The following YES1 variants were observed in gnomAD, a reference collection of about 807,000 sequenced individuals.
YES1 encodes YES proto-oncogene 1, Src family tyrosine kinase.
In YES1, 39 loss-of-function variants were observed where a neutral mutation model predicts 70.4. The ratio of observed to expected loss-of-function variants is 0.55; its 90% CI spans 0.43 to 0.72. The LOEUF is 0.72. Among genes scored for constraint, YES1 ranks in the 30% least tolerant of loss-of-function variants. The probability of loss-of-function intolerance (pLI) is 0.00; values close to 1 mark genes in which losing one functional copy is unlikely to be tolerated. For synonymous variants in YES1, 198 were observed against 218.6 expected, an observed-to-expected ratio of 0.91 and a Z score of 0.83; for missense variants, 495 against 644.8, an observed-to-expected ratio of 0.77 and a Z score of 2.52.
intron 10 of YES1, among the ~76,000 whole-genome samples, chr18:735,161 C>CAAAAAAAAAAAAAAA (rs71174281): frequency 3.1e-4 from 34 of 110,664 alleles, no homozygotes; most frequent in African/African-American, 9.8e-4. Flanking sequence ...TGTCTCAAAG[C>CAAAAAAAAAAAAAAA]AAAAAAAAAA....
chr18:802,373 G>A (rs1906870442), intron 1 of YES1, among the ~76,000 whole-genome samples: 1 of 152,064 alleles, frequency 6.6e-6, no homozygotes, highest in Non-Finnish European at 1.5e-5. Flanking sequence ...TTCCAGACCA[G>A]CCTGACTAAA....
chr18:796,064 C>T (rs529640813), intron 1 of YES1, among the ~76,000 whole-genome samples: 94 of 152,184 alleles, frequency 6.2e-4, no homozygotes, highest in African/African-American at 2.1e-3. Context: ...TACAAAGATG[C>T]CCATCCTTCC....
At chr18:764,925 C>CG (rs1568204423) in intron 1 of YES1, among the ~76,000 whole-genome samples, 2 of 150,816 alleles carry the variant, frequency 1.3e-5, no homozygotes, top group South Asian at 4.2e-4. Context: ...TAGTAGAGAC[C>CG]GGGTTTCACT....
chr18:802,489 A>C (rs1003120117), intron 1 of YES1, among the ~76,000 whole-genome samples: 1 of 151,380 alleles, frequency 6.6e-6, no homozygotes, highest in Non-Finnish European at 1.5e-5. Context: ...GGTTGCAGTG[A>C]GCGGAGACCA....
At chr18:729,423 AT>A (rs2080060677) in intron 11 of YES1, among the ~76,000 whole-genome samples, 1 of 151,412 alleles carries the variant, frequency 6.6e-6, no homozygotes, top group African/African-American at 2.4e-5. Flanking sequence ...CCAAAAGAAA[AT>A]AAATAAATAA....
Position 724,508 on chromosome 18 carries a change from T to C in YES1, c.1548A>G (p.Arg516=). The part of the protein sequence containing the change: ...NLCWKKDPDE[R]PTFEYIQSFL... ...AGGACTGAATATATTCAAATGTTGG[T>C]CTTTCATCAGGGTCCTTCTTCCAAC... is the stretch of plus-strand genomic sequence containing the variant. Residue 516 remains arginine, a synonymous_variant, in exon 12 of 12, where the codon AGA becomes AGG. Transcript: ENST00000314574. The C allele has an allele frequency of 2.5e-6, 4 of 1,614,190 alleles. No homozygotes were observed. Among genetic ancestry groups the C allele is most frequent in the Non-Finnish European group, 2.5e-6 (3 of 1,180,026 alleles).
At chr18:767,031 C>T (rs1481063127) in intron 1 of YES1, among the ~76,000 whole-genome samples, 9 of 151,960 alleles carry the variant, frequency 5.9e-5, no homozygotes, top group Non-Finnish European at 1.3e-4. Flanking sequence ...AAATTCTTCA[C>T]CAGAAGATTT....
intron 2 of YES1, among the ~76,000 whole-genome samples, chr18:754,415 A>C (rs9964705): frequency 0.61 from 92,107 of 151,990 alleles, 28,916 homozygotes; most frequent in African/African-American, 0.78. Context: ...CTTATCAAAT[A>C]TCAGCTCAAG....
Position 732,952 on chromosome 18 carries a change from T to C in YES1, c.1305A>G (p.Pro435=). The change falls in exon 11 of 12, where the codon CCA becomes CCG. Residue 435 remains proline, a synonymous_variant. Transcript: ENST00000314574. ...CAGCTTCAGGAGCTGTCCATTTGAT[T>C]GGAAATTTTGCACCTAAAATAATGT... ...EYTARQGAKF[P]IKWTAPEAAL... is the part of the protein sequence containing the mutation. The C allele has an allele frequency of 6.2e-7, 1 of 1,614,146 alleles. No homozygotes were observed. Among genetic ancestry groups the C allele is most frequent in the Non-Finnish European group, 8.5e-7 (1 of 1,180,014 alleles).
intron 3 of YES1, among the ~76,000 whole-genome samples, chr18:748,555 CCAACCACTGT>C (rs371715517): frequency 1.3e-5 from 2 of 152,124 alleles, no homozygotes; most frequent in Non-Finnish European, 2.9e-5. Flanking sequence ...CCAACTACCT[CCAACCACTGT>C]CAACCACTAA....
chr18:773,041 A>C (rs73372111), intron 1 of YES1, among the ~76,000 whole-genome samples: 2,622 of 152,296 alleles, frequency 0.017, 84 homozygotes, highest in African/African-American at 0.06. Context: ...TACTATGATG[A>C]CTGGCCTCTT....
chr18:769,679 GTTTT>G (rs896002180), intron 1 of YES1, among the ~76,000 whole-genome samples: 1 of 151,516 alleles, frequency 6.6e-6, no homozygotes, highest in African/African-American at 2.4e-5. Context: ...TATCATATAG[GTTTT>G]TTTCCTTTAT....
At chr18:742,570 ATTTC>A (rs1194166475) in intron 8 of YES1, among the ~76,000 whole-genome samples, 14 of 152,048 alleles carry the variant, frequency 9.2e-5, no homozygotes, top group African/African-American at 3.1e-4. Flanking sequence ...ACTTTACCTT[ATTTC>A]TTTGCTTTAG....
At chr18:745,113 T>C (rs574299163) in intron 6 of YES1, among the ~76,000 whole-genome samples, 95 of 152,258 alleles carry the variant, frequency 6.2e-4, no homozygotes, top group African/African-American at 2.1e-3. Context: ...TCCCCTCTCC[T>C]AGTATTAATC....
chr18:810,011 T>C (rs1307032451), intron 1 of YES1, among the ~76,000 whole-genome samples: 1 of 129,564 alleles, frequency 7.7e-6, no homozygotes, highest in African/African-American at 3.2e-5. Flanking sequence ...CCTTGCAGGT[T>C]TTTTTTTTTT....
chr18:756,186 C>T (rs1350823969), intron 2 of YES1, among the ~76,000 whole-genome samples: 1 of 151,738 alleles, frequency 6.6e-6, no homozygotes, highest in East Asian at 1.9e-4. Flanking sequence ...CACTATAAGA[C>T]TTTAATACTG....
At chr18:763,051 G>C (rs1904675404) in intron 1 of YES1, among the ~76,000 whole-genome samples, 1 of 152,200 alleles carries the variant, frequency 6.6e-6, no homozygotes, top group African/African-American at 2.4e-5. Flanking sequence ...GGAAAGAAAA[G>C]GATATTCCAG....
intron 1 of YES1, among the ~76,000 whole-genome samples, chr18:758,028 T>C (rs1465125816): frequency 6.6e-6 from 1 of 152,162 alleles, no homozygotes; most frequent in African/African-American, 2.4e-5. Context: ...ACCAGGACTA[T>C]GTCAACAGAA....
At chr18:725,880 T>C (rs1010871006) in intron 11 of YES1, among the ~76,000 whole-genome samples, 3 of 151,968 alleles carry the variant, frequency 2.0e-5, no homozygotes, top group Non-Finnish European at 4.4e-5. Flanking sequence ...CGAGACTCCA[T>C]CTCGCGGGGT....
Sources: gnomAD v4.1 joint callset for allele counts (sites outside exome capture counted in the v4.1 genomes callset) on GRCh38, gnomAD v4.1.1 for gene constraint, MANE v1.5 for transcripts, NCBI Gene and HGNC (gene_info 2026-07-23, HGNC 2026-07-21) for gene names.